The following HIPK1 variants were observed in gnomAD, a reference collection of about 807,000 sequenced individuals.
HIPK1 encodes the protein homeodomain interacting protein kinase 1.
A neutral mutation model predicts 117.1 loss-of-function variants in HIPK1; 28 were observed. The observed-to-expected ratio is 0.24, with a 90% CI of 0.18 to 0.33. HIPK1 has a LOEUF of 0.33. HIPK1 is among the 10% of genes least tolerant of loss of function. The pLI is 1.00. For missense variants in HIPK1, 1,122 were observed against 1,475.1 expected (o/e 0.76, Z 3.92); for synonymous variants, 605 against 562.5 (o/e 1.08, Z -1.07).
At chr1:113,972,130 G>A in intron 15 of HIPK1, 176 bp downstream of exon 15, 2 of 1,535,926 alleles carry the variant, frequency 1.3e-6, no homozygotes, top group Non-Finnish European at 1.8e-6. Context: ...CATTCACTCT[G>A]TAAGTGTGTT....
chr1:113,933,302 G>A, intron 1 of HIPK1: 1 of 577,246 alleles, frequency 1.7e-6, no homozygotes, highest in Non-Finnish European at 2.2e-6. Context: ...ACATGTTGAA[G>A]GAACTAGGGC....
rs1191446126 is a variant in HIPK1 at position 113,973,650 on chromosome 1, C to T, written c.*138C>T. On this transcript the variant is annotated 3_prime_UTR_variant, in exon 16 of 16. Coordinates refer to ENST00000426820, the MANE Select transcript of HIPK1 (RefSeq NM_198268.3). ...CTTGTTCTGCAGGGGCCCACTGAAG[C>T]AGAAGGTTTTTCTCTGGGGGAACCT... 3 of 997,326 alleles carry T rather than the reference C, an allele frequency of 3.0e-6. No individual in the cohort carries two copies. In the African/African-American group the frequency reaches 4.9e-5, roughly 16 times the overall value. 61.8% of individuals were successfully genotyped at this position (997,326 alleles called of 1,614,324 possible).
rs1466546560 is a variant in HIPK1, at chr1:113,958,113, T to C, written c.1803T>C (p.Ser601=). 9 of 1,614,094 alleles carry C rather than the reference T, an allele frequency of 5.6e-6. No individual in the cohort carries two copies. Among genetic ancestry groups the C allele is most frequent in the Non-Finnish European group, 7.6e-6 (9 of 1,180,034 alleles). Residue 601 remains serine (S), a synonymous_variant, in exon 8 of 16, where the codon TCT becomes TCC. Transcript: ENST00000426820. The part of the protein sequence containing the change: ...SSSTAAAATL[S]LANSDVSLLN... Reference sequence around the variant, plus strand: ...CTACTGCAGCAGCTGCTACTCTTTCTCTGGCTAATTCAGATGTCTCACTAC... The same window carrying C: ...CTACTGCAGCAGCTGCTACTCTTTCCCTGGCTAATTCAGATGTCTCACTAC...
At position 113,966,374 on chromosome 1, in the gene HIPK1, T is replaced by C. The variant is rs1672447848; in HGVS notation, c.2381+102T>C. 53 of 1,099,408 alleles carry C rather than the reference T, an allele frequency of 4.8e-5. No homozygotes were observed. The South Asian group carries it at 9.4e-4, about 20-fold the overall frequency. 68.1% of individuals were successfully genotyped at this position (1,099,408 alleles called of 1,614,324 possible). A position where few individuals can be genotyped will look rare whatever the true frequency, so the allele number is the denominator to read the frequency against. On this transcript the variant is annotated intron_variant, in intron 11 of 15. Coordinates refer to ENST00000426820, the MANE Select transcript of HIPK1 (RefSeq NM_198268.3). ...AGACTAGTAAGAAAATAAAGGAAAA[T>C]TTGACACTGTTGGAATCCTTTAAGA...
Position 113,973,105 on chromosome 1 carries a change from C to T in HIPK1, c.3226C>T (p.Pro1076Ser). The T allele has an allele frequency of 6.4e-7, 1 of 1,553,798 alleles. No homozygotes were observed. The highest frequency in any genetic ancestry group is 8.7e-7 in the Non-Finnish European group (1 of 1,148,524). Residue 1076 changes from proline to serine, a missense_variant, in exon 16 of 16, where the codon CCT (proline) becomes TCT (serine). Coordinates refer to ENST00000426820, the MANE Select transcript of HIPK1 (RefSeq NM_198268.3). ...CCGCAGGCAGCAGGCGTTTGTGGCC[C>T]CTCTCTCCCAAGCCCCCTACACCTT... ...APRRQQAFVAPLSQAPYTFQH... is the reference protein window; with the variant it reads ...APRRQQAFVASLSQAPYTFQH...
At position 113,973,246 on chromosome 1, in the gene HIPK1, C is replaced by T. The variant is rs1182851081; in HGVS notation, c.3367C>T (p.Leu1123=). The T allele has an allele frequency of 1.9e-6, 3 of 1,614,054 alleles. No individual in the cohort carries two copies. The highest frequency in any genetic ancestry group is 2.7e-5 in the African/African-American group (2 of 74,914). ...TYAAPTSAAA[L]GSTSSIAHLF... ...TGCTGCCCCGACTTCTGCTGCTGCA[C>T]TGGGCTCAACCAGCTCCATTGCTCA... Residue 1123 remains leucine, a synonymous_variant, in exon 16 of 16, where the codon CTG becomes TTG. Transcript: ENST00000426820.
intron 6 of HIPK1, 123 bp downstream of exon 6, chr1:113,956,934 T>C: frequency 1.0e-6 from 1 of 986,604 alleles, no homozygotes; most frequent in Admixed American, 2.4e-5. Flanking sequence ...GCAGTGCTTT[T>C]CTTTCTCATT....
rs771627924 is a variant in HIPK1, at chr1:113,963,537, T to G, written c.2238+16T>G. Reference sequence around the variant, plus strand: ...CGCTGTACTGGTAATTCCCCTCACTTGATTGTGTTACTAACGGAGTTTCTT... The same window carrying G: ...CGCTGTACTGGTAATTCCCCTCACTGGATTGTGTTACTAACGGAGTTTCTT... On this transcript the variant is annotated intron_variant, in intron 10 of 15. Coordinates refer to ENST00000426820, the MANE Select transcript of HIPK1 (RefSeq NM_198268.3). 8.1e-6 allele frequency: 13 copies of G among 1,596,954 alleles called. No homozygotes were observed. The highest frequency in any genetic ancestry group is 1.1e-5 in the Non-Finnish European group (13 of 1,173,858).
intron 15 of HIPK1, 61 bp downstream of exon 15, chr1:113,972,015 AC>A: frequency 1.2e-5 from 20 of 1,612,678 alleles, no homozygotes; most frequent in Non-Finnish European, 1.7e-5. Flanking sequence ...TTTCTGGAGA[AC>A]CCTGCTTCTG....
chr1:113,966,096 A>G, intron 10 of HIPK1, 34 bp from the exon 11 acceptor site: 3 of 1,595,464 alleles, frequency 1.9e-6, no homozygotes, highest in Admixed American at 1.8e-5. Flanking sequence ...GAATGAATCA[A>G]GTCTGGATGT....
rs530146129 is a variant in HIPK1, at chr1:113,958,894, A to G, written c.1981+603A>G. Among the ~76,000 whole-genome samples the G allele has an allele frequency of 3.3e-5, 5 of 152,304 alleles. No homozygotes were observed. The South Asian group carries it at 6.2e-4, about 19-fold the overall frequency. ...ATATAGTTCCTGCAAACTCCTGTCA[A>G]CAGAGGAACAGAATAGCTGAAGGAG... On this transcript the variant is annotated intron_variant, in intron 8 of 15. Coordinates refer to ENST00000426820, the MANE Select transcript of HIPK1 (RefSeq NM_198268.3).
intron 8 of HIPK1, among the ~76,000 whole-genome samples, chr1:113,961,293 C>A (rs1354445589): frequency 6.6e-6 from 1 of 152,142 alleles, no homozygotes; most frequent in Non-Finnish European, 1.5e-5. Flanking sequence ...TCTTGATTTT[C>A]CTAGCTGTCC....
chr1:113,957,252 G>A lies in HIPK1; in HGVS notation c.1721G>A (p.Ser574Asn), dbSNP rs771227376. 15 of 1,613,878 alleles carry A rather than the reference G, an allele frequency of 9.3e-6. No individual in the cohort carries two copies. Among genetic ancestry groups the A allele is most frequent in the Non-Finnish European group, 1.1e-5 (13 of 1,179,902 alleles). The change falls in exon 7 of 16, where the codon AGC becomes AAC. Residue 574 changes from serine to asparagine, a missense_variant. Around this residue, in one of 6 missense-constraint regions of HIPK1, gnomAD observed 731 missense variants for 860.4 expected, o/e 0.85. Coordinates refer to ENST00000426820, the MANE Select transcript of HIPK1 (RefSeq NM_198268.3). ...AATACAAGCACAAATCTAACCATGA[G>A]CTTCAGCAATCAGCTCAATACAGTG... ...APNTSTNLTM[S>N]FSNQLNTVHN...
At chr1:113,963,602 T>G in intron 10 of HIPK1, 81 bp downstream of exon 10, 1 of 1,510,750 alleles carries the variant, frequency 6.6e-7, no homozygotes, top group Non-Finnish European at 8.9e-7. Flanking sequence ...TTGTTTTTGT[T>G]CTGTTTTTTT....
chr1:113,974,448 C>T lies in HIPK1; in HGVS notation c.*936C>T, dbSNP rs1271958728. On this transcript the variant is annotated 3_prime_UTR_variant, in exon 16 of 16. Coordinates refer to ENST00000426820, the MANE Select transcript of HIPK1 (RefSeq NM_198268.3). ...ATCTCTGTCTATTATGAGATACTGG[C>T]ATTGATGAGCTTTGCCTAAAGATTA... is the stretch of plus-strand genomic sequence containing the variant. 3.3e-5 allele frequency: 5 copies of T among 152,676 alleles called. No homozygotes were observed. The highest frequency in any genetic ancestry group is 5.9e-5 in the Non-Finnish European group (4 of 68,036). The allele number at this position is 152,676 out of a possible 1,614,324, so 9.5% of individuals were successfully genotyped here.
At chr1:113,963,006 A>G (rs1371311353) in intron 9 of HIPK1, among the ~76,000 whole-genome samples, 1 of 152,230 alleles carries the variant, frequency 6.6e-6, no homozygotes, top group Admixed American at 6.5e-5. Flanking sequence ...AAGTATTTAA[A>G]TAGCAACAAA....
rs191369638 is a variant in HIPK1, at chr1:113,968,353, T to C, written c.2565-89T>C. The C allele has an allele frequency of 2.7e-5, 24 of 895,896 alleles. No homozygotes were observed. In the East Asian group the frequency reaches 4.8e-4, roughly 18 times the overall value. The allele number at this position is 895,896 out of a possible 1,614,324, so 55.5% of individuals were successfully genotyped here. A position where few individuals can be genotyped will look rare whatever the true frequency, so the allele number is the denominator to read the frequency against. On this transcript the variant is annotated intron_variant, in intron 12 of 15. Coordinates refer to ENST00000426820, the MANE Select transcript of HIPK1 (RefSeq NM_198268.3). Reference sequence around the variant, plus strand: ...TAATGATTATGTAAAAAGGAATCAATGAGTAAATTGGAAAGCAGTCTGGGG... The same window carrying C: ...TAATGATTATGTAAAAAGGAATCAACGAGTAAATTGGAAAGCAGTCTGGGG...
intron 1 of HIPK1, 24 bp from the exon 2 acceptor site, chr1:113,940,358 A>T: frequency 6.5e-7 from 1 of 1,541,916 alleles, no homozygotes; most frequent in East Asian, 2.3e-5. Flanking sequence ...CTTGTGGTCT[A>T]ATTCTTCCTT....
intron 13 of HIPK1, among the ~76,000 whole-genome samples, chr1:113,969,177 T>C (rs868665009): frequency 2.4e-4 from 37 of 152,206 alleles, no homozygotes; most frequent in Non-Finnish European, 4.0e-4. Flanking sequence ...TAGGAGACTT[T>C]ACAGAGTCAT....
Sources: allele counts gnomAD v4.1 joint callset (sites outside exome capture counted in the v4.1 genomes callset), GRCh38; gene constraint gnomAD v4.1.1; regional missense constraint gnomAD v4.1.1; transcripts MANE v1.5; gene names NCBI Gene and HGNC (gene_info 2026-07-23, HGNC 2026-07-21).